The following MAPT variants were observed in gnomAD, a reference collection of about 807,000 sequenced individuals.
MAPT encodes microtubule associated protein tau, also known as microtubule-associated protein tau.
MAPT carries 34 observed loss-of-function variants against 67.9 expected under a neutral mutation model. The observed-to-expected ratio is 0.50, with a 90% CI of 0.38 to 0.67. The LOEUF is 0.67. Ranked by LOEUF, MAPT falls within the 30% of genes least tolerant of loss-of-function variation. MAPT has a pLI of 0.00. For missense variants in MAPT, 881 were observed against 1,115.2 expected, an observed-to-expected ratio of 0.79 and a Z score of 2.99; for synonymous variants, 456 against 464.5, an observed-to-expected ratio of 0.98 and a Z score of 0.23.
intron 8 of MAPT, among the ~76,000 whole-genome samples, chr17:45,993,215 G>C (rs1015648647): frequency 3.3e-5 from 5 of 152,226 alleles, no homozygotes; most frequent in African/African-American, 1.2e-4. Context: ...CACATGCCGT[G>C]CAGTGGCACC....
chr17:45,973,989 A>T (rs1289091016), intron 3 of MAPT: 1 of 206,694 alleles, frequency 4.8e-6, no homozygotes, highest in East Asian at 1.2e-4. Flanking sequence ...GCCTCACAGC[A>T]AAACCATAGG....
In MAPT at chr17:46,027,567, T is replaced by C. The variant is rs1433077288; in HGVS notation, c.*3396T>C. On this transcript the variant is annotated 3_prime_UTR_variant, in exon 13 of 13. Coordinates refer to ENST00000262410, the MANE Select transcript of MAPT (RefSeq NM_001377265.1). ...GGGGAGGGGGGAGGAATGTGTAAGA[T>C]AGTTAACATGGGCAAAGGGAGATCT... 1 of 152,036 alleles carries C rather than the reference T, an allele frequency of 6.6e-6. No individual in the cohort carries two copies. Among genetic ancestry groups the C allele is most frequent in the Non-Finnish European group, 1.5e-5 (1 of 68,012 alleles). 9.4% of individuals were successfully genotyped at this position (152,036 alleles called of 1,614,324 possible).
At chr17:45,946,627 T>A (rs1426684072) in intron 1 of MAPT, among the ~76,000 whole-genome samples, 9 of 121,554 alleles carry the variant, frequency 7.4e-5, no homozygotes, top group Non-Finnish European at 1.5e-4. Flanking sequence ...TATATATATA[T>A]ATATATATAT....
rs535254379 is a variant in MAPT at position 45,993,031 on chromosome 17, C to T, written c.1732+1445C>T. On this transcript the variant is annotated intron_variant, in intron 8 of 12. Transcript: ENST00000262410. ...TAGACTCTGCACCATGTAGGGGTGT[C>T]TGACCTGCACTTGCTCCTTGGTGGC... Among the ~76,000 whole-genome samples the T allele has an allele frequency of 3.9e-5, 6 of 152,248 alleles. 1 individual carries two copies. The South Asian group carries it at 1.2e-3, about 32-fold the overall frequency.
intron 11 of MAPT, among the ~76,000 whole-genome samples, chr17:46,018,147 GA>G (rs34759303): frequency 0.52 from 61,550 of 117,744 alleles, 14,050 homozygotes; most frequent in East Asian, 0.96. Flanking sequence ...TCTGTCTCAA[GA>G]AAAAAAAAAA....
intron 9 of MAPT, among the ~76,000 whole-genome samples, chr17:46,002,612 A>C (rs1427165616): frequency 6.6e-6 from 1 of 152,182 alleles, no homozygotes; most frequent in Non-Finnish European, 1.5e-5. Context: ...GTGAAGCAGC[A>C]CAGAGCCTGG....
chr17:45,924,124 A>T (rs564071423), intron 1 of MAPT, among the ~76,000 whole-genome samples: 1 of 152,192 alleles, frequency 6.6e-6, no homozygotes, highest in South Asian at 2.1e-4. Flanking sequence ...TCCAGCCATA[A>T]CTCTGCTCAC....
chr17:45,930,111 T>G (rs2066706103), intron 1 of MAPT, among the ~76,000 whole-genome samples: 1 of 152,072 alleles, frequency 6.6e-6, no homozygotes, highest in African/African-American at 2.4e-5. Flanking sequence ...TACTGAAAAC[T>G]AAAGGAAGAT....
At chr17:45,958,424 A>G (rs1200492259) in intron 1 of MAPT, among the ~76,000 whole-genome samples, 1 of 152,186 alleles carries the variant, frequency 6.6e-6, no homozygotes, top group Non-Finnish European at 1.5e-5. Flanking sequence ...CAGACAAGCA[A>G]AAAGAATGAG....
chr17:45,925,582 A>G (rs1406266968), intron 1 of MAPT, among the ~76,000 whole-genome samples: 2 of 152,238 alleles, frequency 1.3e-5, no homozygotes, highest in African/African-American at 4.8e-5. Flanking sequence ...TTGTTTTATA[A>G]CAGGAAGTCT....
chr17:45,903,857 A>ATATATTTATATATTATATATTG (rs1365235713), intron 1 of MAPT, among the ~76,000 whole-genome samples: 1 of 37,286 alleles, frequency 2.7e-5, no homozygotes, highest in Admixed American at 5.0e-4. Flanking sequence ...ATTATATATT[A>ATATATTTATATATTATATATTG]TATATATTAT....
chr17:45,953,723 G>A (rs934999228), intron 1 of MAPT, among the ~76,000 whole-genome samples: 4 of 152,250 alleles, frequency 2.6e-5, no homozygotes, highest in Non-Finnish European at 4.4e-5. Context: ...ATCTTTATTG[G>A]AAACCAGGAC....
chr17:45,913,837 T>C (rs1373871053), intron 1 of MAPT, among the ~76,000 whole-genome samples: 2 of 152,220 alleles, frequency 1.3e-5, no homozygotes, highest in Non-Finnish European at 2.9e-5. Context: ...TCTGCTGCCC[T>C]GGCCGGGGGG....
In MAPT at chr17:45,971,585, TA is replaced by T. The variant is rs1308389043; in HGVS notation, c.134-273del. 2.7e-5 allele frequency among the ~76,000 whole-genome samples: 4 copies of T among 149,370 alleles called. No homozygotes were observed. In the East Asian group the frequency reaches 7.7e-4, roughly 29 times the overall value. ...AAACCTTTGCCTCAGGTGGCACCACTAGCTGGTTAAGAGGCACTTTGTCCTT... is the reference window on the plus strand; with the variant it reads ...AAACCTTTGCCTCAGGTGGCACCACTGCTGGTTAAGAGGCACTTTGTCCTT... On this transcript the variant is annotated intron_variant, in intron 2 of 12. Transcript: ENST00000262410. The surrounding 1 kb of genome is among the most constrained non-coding windows in gnomAD (Gnocchi z 4.3).
intron 3 of MAPT, among the ~76,000 whole-genome samples, chr17:45,972,237 CA>C (rs1400185335): frequency 6.6e-6 from 1 of 152,234 alleles, no homozygotes; most frequent in East Asian, 1.9e-4. Flanking sequence ...ACACCCCCTT[CA>C]AAAGCCCCCT....
chr17:46,001,775 C>G (rs2075023298), intron 9 of MAPT, among the ~76,000 whole-genome samples: 3 of 152,198 alleles, frequency 2.0e-5, no homozygotes, highest in Non-Finnish European at 4.4e-5. Context: ...GCTTTTGCCC[C>G]CAGGGTCCAG....
chr17:45,941,728 T>TGCC (rs2068000169), intron 1 of MAPT, among the ~76,000 whole-genome samples: 1 of 136,402 alleles, frequency 7.3e-6, no homozygotes, highest in Non-Finnish European at 1.6e-5. Flanking sequence ...CCTTCCTTCC[T>TGCC]TCCTTCCTTC....
intron 1 of MAPT, chr17:45,932,068 T>C (rs933730754): frequency 4.6e-5 from 7 of 150,700 alleles, no homozygotes; most frequent in Admixed American, 2.7e-4. Flanking sequence ...GGGTGACAGA[T>C]TGAGACCCTG....
intron 1 of MAPT, among the ~76,000 whole-genome samples, chr17:45,902,456 A>T (rs2099151): frequency 0.14 from 21,848 of 152,218 alleles, 2,142 homozygotes; most frequent in Middle Eastern, 0.22. Flanking sequence ...GACCTTTAGT[A>T]AGTGCTTGGC....
Sources: allele counts gnomAD v4.1 joint callset (sites outside exome capture counted in the v4.1 genomes callset), GRCh38; gene constraint gnomAD v4.1.1; non-coding constraint Gnocchi (gnomAD v3.1); transcripts MANE v1.5; gene names NCBI Gene and HGNC (gene_info 2026-07-23, HGNC 2026-07-21).